BCR: variants seen among roughly 807,000 people sequenced by gnomAD.
BCR encodes the protein breakpoint cluster region protein.
Under a neutral mutation model 138.6 loss-of-function variants are expected in BCR, and 58 were observed. That is an observed-to-expected ratio of 0.42 (90% CI 0.34 to 0.52). The LOEUF is 0.52. BCR is among the 20% of genes least tolerant of loss of function. The probability of loss-of-function intolerance (pLI) is 0.06; values close to 1 mark genes in which losing one functional copy is unlikely to be tolerated. For missense variants in BCR, 1,599 were observed against 1,727.2 expected, an observed-to-expected ratio of 0.93 and a Z score of 1.32; for synonymous variants, 786 against 730.1, an observed-to-expected ratio of 1.08 and a Z score of -1.23.
At chr22:23,281,652 T>C (rs1354304124) in intron 8 of BCR, among the ~76,000 whole-genome samples, 1 of 151,362 alleles carries the variant, frequency 6.6e-6, no homozygotes, top group East Asian at 1.9e-4. Context: ...CTTTCGGGCT[T>C]CTCTCAGATG....
chr22:23,220,499 A>G (rs2072812177), intron 1 of BCR, among the ~76,000 whole-genome samples: 1 of 152,110 alleles, frequency 6.6e-6, no homozygotes, highest in Non-Finnish European at 1.5e-5. Flanking sequence ...AAACATGGGA[A>G]TCCCTGAGCC....
intron 1 of BCR, among the ~76,000 whole-genome samples, chr22:23,222,250 C>A (rs934945521): frequency 7.9e-5 from 12 of 152,186 alleles, no homozygotes; most frequent in African/African-American, 2.9e-4. Flanking sequence ...AGTAGGTGCT[C>A]AGTTAATGCT....
intron 2 of BCR, among the ~76,000 whole-genome samples, chr22:23,258,729 A>C (rs2073323594): frequency 6.6e-6 from 1 of 152,224 alleles, no homozygotes; most frequent in African/African-American, 2.4e-5. Context: ...AGAATCCTGC[A>C]AGGCACAGGA....
chr22:23,266,998 C>A (rs2073450254), intron 4 of BCR, among the ~76,000 whole-genome samples: 1 of 152,126 alleles, frequency 6.6e-6, no homozygotes, highest in Non-Finnish European at 1.5e-5. Flanking sequence ...TGACCACATT[C>A]TCAAAAGCAG....
intron 1 of BCR, among the ~76,000 whole-genome samples, chr22:23,233,908 G>T (rs1186281080): frequency 1.3e-5 from 2 of 152,074 alleles, no homozygotes; most frequent in African/African-American, 4.8e-5. Flanking sequence ...AGGGACAAGG[G>T]CATGTCAGTG....
At chr22:23,198,263 C>T (rs759150379) in intron 1 of BCR, 5 of 450,014 alleles carry the variant, frequency 1.1e-5, no homozygotes, top group South Asian at 3.2e-5. Context: ...GAGTGCTCCC[C>T]GAGTGTCCAC....
At chr22:23,297,457 C>A (rs1012409527) in intron 16 of BCR, among the ~76,000 whole-genome samples, 7 of 152,242 alleles carry the variant, frequency 4.6e-5, no homozygotes, top group Admixed American at 3.9e-4. Context: ...GCTTCTCTAA[C>A]CTGCTCAGAA....
intron 1 of BCR, chr22:23,199,111 A>G (rs2072516786): frequency 6.3e-6 from 2 of 318,046 alleles, no homozygotes; most frequent in Non-Finnish European, 1.3e-5. Flanking sequence ...GACAAGAACG[A>G]AACTCCGTCT....
At chr22:23,187,306 T>C (rs1300362704) in intron 1 of BCR, among the ~76,000 whole-genome samples, 2 of 149,972 alleles carry the variant, frequency 1.3e-5, no homozygotes, top group Non-Finnish European at 3.0e-5. Context: ...TTCACAGTTC[T>C]CTGGTTGGCT....
chr22:23,237,003 G>T (rs2073033970), intron 1 of BCR, among the ~76,000 whole-genome samples: 1 of 152,224 alleles, frequency 6.6e-6, no homozygotes, highest in Non-Finnish European at 1.5e-5. Flanking sequence ...TCCAGAAGAA[G>T]TGCCAGGCTC....
At chr22:23,293,297 C>G (rs1364634885) in intron 15 of BCR, among the ~76,000 whole-genome samples, 1 of 152,142 alleles carries the variant, frequency 6.6e-6, no homozygotes, top group Non-Finnish European at 1.5e-5. Flanking sequence ...GCTGGGCCTG[C>G]AGAGAGCTGC....
rs1276761435 is a variant in BCR at position 23,206,916 on chromosome 22, A to G, written c.1279+24677A>G. The stretch of plus-strand genomic sequence containing the variant: ...ATTCATCATCCATCCAACTAAATCT[A>G]TTCATCCCTCTGTCATCCATTCATT... On this transcript the variant is annotated intron_variant, in intron 1 of 22. Transcript: ENST00000305877. 5.6e-5 allele frequency among the ~76,000 whole-genome samples: 8 copies of G among 142,876 alleles called. 1 individual carries two copies. Among genetic ancestry groups the G allele is most frequent in the South Asian group, 2.1e-4 (1 of 4,764 alleles). 93.7% of individuals were successfully genotyped at this position (142,876 alleles called of 152,430 possible).
At chr22:23,205,077 C>G (rs773677083) in intron 1 of BCR, among the ~76,000 whole-genome samples, 2 of 152,200 alleles carry the variant, frequency 1.3e-5, no homozygotes, top group Non-Finnish European at 2.9e-5. Flanking sequence ...TCCCCAACAG[C>G]CTCCCAGCCT....
At chr22:23,184,976 A>G (rs1006532293) in intron 1 of BCR, among the ~76,000 whole-genome samples, 3 of 152,194 alleles carry the variant, frequency 2.0e-5, no homozygotes, top group Non-Finnish European at 4.4e-5. Flanking sequence ...GTGGTGACCC[A>G]GATCTAATAA....
chr22:23,270,629 A>G (rs2073499480), intron 5 of BCR, among the ~76,000 whole-genome samples: 1 of 152,226 alleles, frequency 6.6e-6, no homozygotes, highest in Admixed American at 6.5e-5. Context: ...GGCCCCAGTG[A>G]GCTGGAAAAC....
intron 8 of BCR, among the ~76,000 whole-genome samples, chr22:23,278,380 G>C (rs2073604012): frequency 6.6e-6 from 1 of 152,220 alleles, no homozygotes; most frequent in African/African-American, 2.4e-5. Flanking sequence ...GAGGCTGAGA[G>C]ATGGTGAGGC....
chr22:23,305,600 C>T (rs1054772115), intron 16 of BCR, among the ~76,000 whole-genome samples: 3 of 152,200 alleles, frequency 2.0e-5, no homozygotes, highest in Non-Finnish European at 4.4e-5. Context: ...CCTCCCTCAG[C>T]CCCCACCCCA....
At chr22:23,212,129 T>C (rs2072692696) in intron 1 of BCR, among the ~76,000 whole-genome samples, 1 of 152,202 alleles carries the variant, frequency 6.6e-6, no homozygotes, top group Admixed American at 6.5e-5. Context: ...CTCTTTCCGT[T>C]GCTGGTTTCT....
At chr22:23,192,381 G>T (rs778517935) in intron 1 of BCR, among the ~76,000 whole-genome samples, 13 of 152,206 alleles carry the variant, frequency 8.5e-5, no homozygotes, top group Non-Finnish European at 1.8e-4. Flanking sequence ...AGGAGACCTG[G>T]ATCATTTGCT....
Sources: gnomAD v4.1 joint callset for allele counts (sites outside exome capture counted in the v4.1 genomes callset) on GRCh38, gnomAD v4.1.1 for gene constraint, MANE v1.5 for transcripts, NCBI Gene and HGNC (gene_info 2026-07-23, HGNC 2026-07-21) for gene names.